LHFPL3: variants seen among roughly 807,000 people sequenced by gnomAD.
LHFPL3 encodes the protein LHFPL tetraspan subfamily member 3 protein.
A neutral mutation model predicts 19.3 loss-of-function variants in LHFPL3; 5 were observed. That is an observed-to-expected ratio of 0.26 (90% confidence interval 0.14 to 0.54). The LOEUF (loss-of-function observed/expected upper bound fraction) is 0.54, where lower values mean the gene tolerates loss of function less well. Among genes scored for constraint, LHFPL3 ranks in the 20% least tolerant of loss-of-function variants. LHFPL3 has a pLI of 0.94. For missense variants in LHFPL3, 249 were observed against 307.4 expected (o/e 0.81, Z 1.42); for synonymous variants, 133 against 126.2 (o/e 1.05, Z -0.36).
rs187640910 is a variant in LHFPL3 at position 104,399,449 on chromosome 7, A to G, written c.445+70225A>G. ...GTTCTTCTGTTTTTTTTTGTTTTTTAGGTTTTTTTTGTTTGTTTGTTTGAG... is the reference window on the plus strand; with the variant it reads ...GTTCTTCTGTTTTTTTTTGTTTTTTGGGTTTTTTTTGTTTGTTTGTTTGAG... On this transcript the variant is annotated intron_variant, in intron 1 of 2. Coordinates refer to ENST00000424859, the MANE Select transcript of LHFPL3 (RefSeq NM_199000.3). The surrounding 1 kb of genome is among the most constrained non-coding windows in gnomAD (Gnocchi z 4.4). Among the ~76,000 whole-genome samples the G allele has an allele frequency of 2.0e-5, 3 of 147,884 alleles. No individual in the cohort carries two copies. The East Asian group carries it at 6.0e-4, about 29-fold the overall frequency.
chr7:104,856,808 T>C (rs1212740231), intron 2 of LHFPL3, among the ~76,000 whole-genome samples: 2 of 152,170 alleles, frequency 1.3e-5, no homozygotes, highest in African/African-American at 4.8e-5. Flanking sequence ...CTGTGTATTA[T>C]AGTAAGGTGT....
chr7:104,699,465 T>G (rs1482002075), intron 1 of LHFPL3, among the ~76,000 whole-genome samples: 1 of 152,190 alleles, frequency 6.6e-6, no homozygotes, highest in African/African-American at 2.4e-5. Context: ...ATCGTATGAT[T>G]CCTATTACGT....
At chr7:104,718,017 A>C (rs1230352752) in intron 1 of LHFPL3, among the ~76,000 whole-genome samples, 1 of 152,200 alleles carries the variant, frequency 6.6e-6, no homozygotes, top group Non-Finnish European at 1.5e-5. Flanking sequence ...TACCATAGAT[A>C]AATCTTGAGG....
chr7:104,892,570 G>A (rs1485955996), intron 2 of LHFPL3, among the ~76,000 whole-genome samples: 1 of 151,844 alleles, frequency 6.6e-6, no homozygotes, highest in African/African-American at 2.4e-5. Flanking sequence ...AATTAGCCAG[G>A]TGTGGTGGCG....
chr7:104,655,251 C>G (rs1792101387), intron 1 of LHFPL3, among the ~76,000 whole-genome samples: 1 of 152,152 alleles, frequency 6.6e-6, no homozygotes, highest in South Asian at 2.1e-4. Flanking sequence ...AAGGGTTCTA[C>G]ATATTGTCTC....
At chr7:104,809,076 G>A (rs1266906125) in intron 2 of LHFPL3, among the ~76,000 whole-genome samples, 2 of 151,896 alleles carry the variant, frequency 1.3e-5, no homozygotes, top group African/African-American at 4.8e-5. Context: ...TGTATTTTTA[G>A]TAGAGACGGG....
At chr7:104,880,278 C>G (rs928334819) in intron 2 of LHFPL3, among the ~76,000 whole-genome samples, 4 of 151,684 alleles carry the variant, frequency 2.6e-5, no homozygotes, top group Non-Finnish European at 4.4e-5. Flanking sequence ...CACTTCCCCC[C>G]TCCCTCTCTC....
chr7:104,543,130 A>G (rs1794519572), intron 1 of LHFPL3, among the ~76,000 whole-genome samples: 1 of 152,146 alleles, frequency 6.6e-6, no homozygotes, highest in Non-Finnish European at 1.5e-5. Context: ...AGGGAGGGGA[A>G]CATCACACAC....
intron 1 of LHFPL3, among the ~76,000 whole-genome samples, chr7:104,484,289 C>A (rs140593124): frequency 2.6e-5 from 4 of 152,168 alleles, no homozygotes; most frequent in African/African-American, 9.6e-5. Flanking sequence ...ACATACTCAA[C>A]CCATCAGGGA....
chr7:104,400,560 G>A (rs554007410), intron 1 of LHFPL3, among the ~76,000 whole-genome samples: 43 of 151,972 alleles, frequency 2.8e-4, no homozygotes, highest in Non-Finnish European at 5.7e-4. Context: ...GGTAATTCAT[G>A]CCCAATATTT....
intron 1 of LHFPL3, among the ~76,000 whole-genome samples, chr7:104,506,340 T>G (rs546165153): frequency 6.6e-6 from 1 of 152,282 alleles, no homozygotes; most frequent in African/African-American, 2.4e-5. Context: ...TACTCATTCT[T>G]CAGGACTCAG....
At chr7:104,454,177 C>G (rs34593387) in intron 1 of LHFPL3, among the ~76,000 whole-genome samples, 25,540 of 152,020 alleles carry the variant, frequency 0.17, 2,144 homozygotes, top group Middle Eastern at 0.2. Flanking sequence ...AACAGCTCCA[C>G]CTTTTTCATA....
intron 2 of LHFPL3, among the ~76,000 whole-genome samples, chr7:104,881,468 G>A (rs890602417): frequency 2.0e-5 from 3 of 152,164 alleles, no homozygotes; most frequent in African/African-American, 7.2e-5. Flanking sequence ...CAGATGTGGT[G>A]GAAATAGCAA....
At chr7:104,774,179 A>G (rs1386355260) in intron 2 of LHFPL3, among the ~76,000 whole-genome samples, 1 of 152,238 alleles carries the variant, frequency 6.6e-6, no homozygotes, top group African/African-American at 2.4e-5. Context: ...TGGCAGAAGG[A>G]AAGGAGAAGG....
chr7:104,463,362 A>G (rs997879290), intron 1 of LHFPL3, among the ~76,000 whole-genome samples: 2 of 152,160 alleles, frequency 1.3e-5, no homozygotes, highest in African/African-American at 2.4e-5. Flanking sequence ...ACTCTTTGAT[A>G]TGGGTGGTTA....
chr7:104,638,739 G>A (rs1791776071), intron 1 of LHFPL3, among the ~76,000 whole-genome samples: 1 of 151,250 alleles, frequency 6.6e-6, no homozygotes, highest in South Asian at 2.1e-4. Flanking sequence ...CTGGGATGAA[G>A]CCTACTTGAT....
At chr7:104,531,243 C>T (rs1324741059) in intron 1 of LHFPL3, among the ~76,000 whole-genome samples, 1 of 152,122 alleles carries the variant, frequency 6.6e-6, no homozygotes, top group Admixed American at 6.5e-5. Context: ...CAGAGGTGTC[C>T]AGAAAGATCA....
At chr7:104,800,632 C>T (rs1790226043) in intron 2 of LHFPL3, among the ~76,000 whole-genome samples, 1 of 152,298 alleles carries the variant, frequency 6.6e-6, no homozygotes, top group South Asian at 2.1e-4. Context: ...AATTAACTGT[C>T]CCTTTAGATC....
At chr7:104,770,050 A>G (rs903591984) in intron 2 of LHFPL3, among the ~76,000 whole-genome samples, 1 of 152,274 alleles carries the variant, frequency 6.6e-6, no homozygotes, top group East Asian at 1.9e-4. Context: ...GCTAAGAAAA[A>G]GGGTTTCTCC....
Sources: allele counts gnomAD v4.1 joint callset (sites outside exome capture counted in the v4.1 genomes callset), GRCh38; gene constraint gnomAD v4.1.1; non-coding constraint Gnocchi (gnomAD v3.1); transcripts MANE v1.5; gene names NCBI Gene and HGNC (gene_info 2026-07-23, HGNC 2026-07-21).